Variants in TARBP1 observed in about 807,000 individuals in gnomAD.
TARBP1 encodes the protein tRNA guanosine 2 -O-methyltransferase TARBP1, also known as tRNA (guanosine(18)-2'-O)-methyltransferase TARBP1.
Under a neutral mutation model 178.6 loss-of-function variants are expected in TARBP1, and 144 were observed. The observed-to-expected ratio is 0.81, with a 90% confidence interval of 0.70 to 0.93. The LOEUF (loss-of-function observed/expected upper bound fraction) is 0.93. Among genes scored for constraint, TARBP1 ranks in the 40% least tolerant of loss-of-function variants. The pLI is 0.00. For missense variants in TARBP1, 2,067 were observed against 2,011.7 expected (o/e 1.03, Z -0.53); for synonymous variants, 787 against 781.0 (o/e 1.01, Z -0.13).
intron 20 of TARBP1, among the ~76,000 whole-genome samples, chr1:234,421,214 G>T (rs529451516): frequency 1.3e-5 from 2 of 151,832 alleles, no homozygotes; most frequent in African/African-American, 4.8e-5. Context: ...TCAGCCTCCC[G>T]AGTAGCTGGG....
intron 23 of TARBP1, among the ~76,000 whole-genome samples, chr1:234,408,431 AC>A (rs1043680663): frequency 6.6e-6 from 1 of 152,028 alleles, no homozygotes; most frequent in African/African-American, 2.4e-5. Context: ...CCCAAGACAA[AC>A]CCCCTTCTTG....
At chr1:234,458,707 G>C (rs539838888) in intron 8 of TARBP1, among the ~76,000 whole-genome samples, 37 of 152,216 alleles carry the variant, frequency 2.4e-4, no homozygotes, top group Admixed American at 7.8e-4. Flanking sequence ...CTTGAATGTC[G>C]ATACAGGGGA....
chr1:234,435,751 A>G (rs1664958624), intron 13 of TARBP1, among the ~76,000 whole-genome samples: 1 of 152,200 alleles, frequency 6.6e-6, no homozygotes, highest in South Asian at 2.1e-4. Context: ...CCTGACAGCC[A>G]CTATTTCCTC....
rs1238420327 is a variant in TARBP1, at chr1:234,448,360, A to AG, written c.1961+119dup. 3.9e-6 allele frequency: 3 copies of AG among 764,060 alleles called. No individual in the cohort carries two copies. The Admixed American group carries it at 6.7e-5, about 17-fold the overall frequency. 47.3% of individuals were successfully genotyped at this position (764,060 alleles called of 1,614,324 possible). A position where few individuals can be genotyped will look rare whatever the true frequency, so the allele number is the denominator to read the frequency against. ...TTCTTCAGTATACTGTTAATGTTCT[A>AG]GTACCTTCCTTGACACCTTGTGGTC... On this transcript the variant is annotated intron_variant, in intron 11 of 29. Transcript: ENST00000040877.
At chr1:234,477,819 T>C (rs1669707116) in intron 1 of TARBP1, among the ~76,000 whole-genome samples, 1 of 152,226 alleles carries the variant, frequency 6.6e-6, no homozygotes, top group South Asian at 2.1e-4. Context: ...AATTTTTCTT[T>C]CAACTTGATA....
intron 22 of TARBP1, among the ~76,000 whole-genome samples, chr1:234,410,970 G>C (rs534860644): frequency 1.0e-3 from 157 of 152,268 alleles, no homozygotes; most frequent in African/African-American, 3.5e-3. Flanking sequence ...TACTGGGGAG[G>C]CTGAGGTAGA....
Position 234,420,704 on chromosome 1 carries a change from G to T in TARBP1, c.3553C>A (p.Gln1185Lys). ...TLLVLFPRLD[Q>K]NFLNGIIDRI... is the part of the protein sequence containing the mutation. ...CAAATATAATAAAAATATGATACCT[G>T]GTCAAGTCTAGGGAAAAGTACCAGC... Residue 1185 changes from glutamine (Q) to lysine (K), a missense_variant and splice_region_variant, in exon 21 of 30, where the codon CAG becomes AAG. Coordinates refer to ENST00000040877, the MANE Select transcript of TARBP1 (RefSeq NM_005646.4). The T allele has an allele frequency of 6.3e-7, 1 of 1,595,734 alleles. No individual in the cohort carries two copies.
chr1:234,391,913 TAA>T (rs891701825), intron 29 of TARBP1, among the ~76,000 whole-genome samples, 168 bp from the exon 30 acceptor site: 2 of 152,040 alleles, frequency 1.3e-5, no homozygotes, highest in African/African-American at 4.8e-5. Flanking sequence ...GGGAAATAAA[TAA>T]GAGTGTAAAA....
At chr1:234,467,049 T>G (rs12129756) in intron 4 of TARBP1, among the ~76,000 whole-genome samples, 8,654 of 152,222 alleles carry the variant, frequency 0.057, 420 homozygotes, top group African/African-American at 0.14. Flanking sequence ...CAAATGGAAG[T>G]ACAGATTCTA....
At chr1:234,432,965 T>C (rs1362994164) in intron 14 of TARBP1, among the ~76,000 whole-genome samples, 1 of 152,192 alleles carries the variant, frequency 6.6e-6, no homozygotes, top group East Asian at 1.9e-4. Context: ...TTTAATATTA[T>C]ATTAAGAGTA....
At chr1:234,411,341 T>C (rs1661798260) in intron 22 of TARBP1, among the ~76,000 whole-genome samples, 1 of 152,152 alleles carries the variant, frequency 6.6e-6, no homozygotes, top group South Asian at 2.1e-4. Context: ...ACAAAAGACT[T>C]GAGCATCCTC....
At chr1:234,472,262 G>C (rs927802596) in intron 2 of TARBP1, among the ~76,000 whole-genome samples, 1 of 142,832 alleles carries the variant, frequency 7.0e-6, no homozygotes, top group Non-Finnish European at 1.5e-5. Context: ...CCAGGAGGCG[G>C]ATGTTGCAGT....
rs780313019 is a variant in TARBP1 at position 234,467,656 on chromosome 1, G to A, written c.1100-6C>T. 17 of 1,567,474 alleles carry A rather than the reference G, an allele frequency of 1.1e-5. No homozygotes were observed. The highest frequency in any genetic ancestry group is 1.0e-4 in the Admixed American group (5 of 48,852). On this transcript the variant is annotated splice_polypyrimidine_tract_variant and splice_region_variant and intron_variant, in intron 3 of 29. Transcript: ENST00000040877. The stretch of plus-strand genomic sequence containing the variant: ...TGGGTGAAAGAGCCAACATCCTGTG[G>A]AAACAAACATCAAATGTTGACATCT...
At chr1:234,436,619 A>C (rs270499) in intron 13 of TARBP1, among the ~76,000 whole-genome samples, 1 of 152,236 alleles carries the variant, frequency 6.6e-6, no homozygotes, top group Non-Finnish European at 1.5e-5. Flanking sequence ...TGGGTATTTA[A>C]ATAAAAGTTC....
chr1:234,429,234 A>G lies in TARBP1; in HGVS notation c.2962T>C (p.Trp988Arg), dbSNP rs1664126821. ...SSLSNTQLIFWANLKAFVQFV... is the reference protein window; with the variant it reads ...SSLSNTQLIFRANLKAFVQFV... The stretch of plus-strand genomic sequence containing the variant: ...TGAACAAAAGCTTTTAAATTAGCCC[A>G]GAATATCAGCTGAGTGTTGCTTAAA... Residue 988 changes from tryptophan (W) to arginine (R), a missense_variant, in exon 17 of 30, where the codon TGG (tryptophan) becomes CGG (arginine). Physicochemically the swap from Trp to Arg is moderately radical, Grantham distance 101 (BLOSUM62 -3). Transcript: ENST00000040877. 9 of 1,611,068 alleles carry G rather than the reference A, an allele frequency of 5.6e-6. No individual in the cohort carries two copies. The Admixed American group carries it at 1.2e-4, about 21-fold the overall frequency.
rs200601749 is a variant in TARBP1, at chr1:234,425,797, A to G, written c.3324-4T>C. On this transcript the variant is annotated splice_region_variant and splice_polypyrimidine_tract_variant and intron_variant, in intron 19 of 29. Transcript: ENST00000040877. ...ATAATGGTCTTCTCTCTTAGTACTA[A>G]AAAAATTAAATGATAAATTATGTTA... The G allele has an allele frequency of 8.5e-6, 13 of 1,536,972 alleles. No homozygotes were observed. Among genetic ancestry groups the G allele is most frequent in the Non-Finnish European group, 1.1e-5 (13 of 1,131,520 alleles).
Position 234,446,792 on chromosome 1 carries a change from C to T in TARBP1, c.2134+11G>A. 1 of 1,612,668 alleles carries T rather than the reference C, an allele frequency of 6.2e-7. No homozygotes were observed. The highest frequency in any genetic ancestry group is 8.5e-7 in the Non-Finnish European group (1 of 1,179,396). ...TCAAGCAAGATACCAAGAGAAACAA[C>T]TTATCCTCACCATCTTGGGCACTGG... On this transcript the variant is annotated intron_variant, in intron 12 of 29. Coordinates refer to ENST00000040877, the MANE Select transcript of TARBP1 (RefSeq NM_005646.4).
chr1:234,430,999 G>A (rs897310624), intron 14 of TARBP1, among the ~76,000 whole-genome samples: 9 of 152,148 alleles, frequency 5.9e-5, no homozygotes, highest in Admixed American at 4.6e-4. Context: ...AACTCTACAC[G>A]TAGGAAAGGA....
chr1:234,399,864 A>T (rs548290571), intron 25 of TARBP1, among the ~76,000 whole-genome samples: 10 of 113,584 alleles, frequency 8.8e-5, no homozygotes, highest in Admixed American at 7.7e-4. Context: ...GAAGGGGAAC[A>T]TTACACTCTG....
Sources: gnomAD v4.1 joint callset for allele counts (sites outside exome capture counted in the v4.1 genomes callset) on GRCh38, gnomAD v4.1.1 for gene constraint, MANE v1.5 for transcripts, NCBI Gene and HGNC (gene_info 2026-07-23, HGNC 2026-07-21) for gene names.